Variants in RARG observed in about 807,000 individuals in gnomAD.
The protein encoded by RARG is retinoic acid receptor gamma, also known as RAR-gamma.
Under a neutral mutation model 43.7 loss-of-function variants are expected in RARG, and 17 were observed. That is an observed-to-expected ratio of 0.39 (90% CI 0.27 to 0.58). The LOEUF is 0.58. Among genes scored for constraint, RARG ranks in the 20% least tolerant of loss-of-function variants. The pLI, the probability that RARG is intolerant of heterozygous loss-of-function variation, is 0.57. For synonymous variants in RARG, 238 were observed against 236.4 expected, an observed-to-expected ratio of 1.01 and a Z score of -0.06; for missense variants, 346 against 598.7, an observed-to-expected ratio of 0.58 and a Z score of 4.40.
At chr12:53,230,070 A>T (rs1034156715) in intron 2 of RARG, 4 of 800,894 alleles carry the variant, frequency 5.0e-6, no homozygotes, top group Non-Finnish European at 6.0e-6. Flanking sequence ...AGAGAAGGGG[A>T]GGGTCTTAAA....
chr12:53,215,776 G>A lies in RARG; in HGVS notation c.203C>T (p.Thr68Ile), dbSNP rs1199743374. Reference sequence around the variant, plus strand: ...GCTGGGCACCATCTCCTCTGAGCTGGTGCTCTGTGTCTCCACCGCTGGGAG... The same window carrying A: ...GCTGGGCACCATCTCCTCTGAGCTGATGCTCTGTGTCTCCACCGCTGGGAG... ...MASLSVETQS[T>I]SSEEMVPSSP... is the part of the protein sequence containing the mutation. The change falls in exon 4 of 10, where the codon ACC (threonine) becomes ATC (isoleucine). Residue 68 changes from threonine to isoleucine, a missense_variant. Physicochemically the swap from Thr to Ile is moderately conservative, Grantham distance 89. Around this residue, in one of 8 missense-constraint regions of RARG, gnomAD observed 90 missense variants for 93.2 expected, o/e 0.97. Coordinates refer to ENST00000425354, the MANE Select transcript of RARG (RefSeq NM_000966.6). This position sits in a 1 kb window ranked among gnomAD's most constrained non-coding sequence, Gnocchi z 6.4. 1.2e-6 allele frequency: 2 copies of A among 1,609,510 alleles called. No homozygotes were observed. Among genetic ancestry groups the A allele is most frequent in the Non-Finnish European group, 1.7e-6 (2 of 1,177,780 alleles).
intron 3 of RARG, among the ~76,000 whole-genome samples, chr12:53,219,568 A>T (rs981291187): frequency 2.0e-5 from 3 of 152,190 alleles, no homozygotes; most frequent in African/African-American, 7.2e-5. Flanking sequence ...ACGCTCTGCA[A>T]ACGATATTTT....
chr12:53,214,652 C>T (rs373452394), intron 5 of RARG, 46 bp from the exon 6 acceptor site: 522 of 1,544,836 alleles, frequency 3.4e-4, no homozygotes, highest in Non-Finnish European at 4.2e-4. Flanking sequence ...CTCAGAGCCT[C>T]CCTTTGGGTG....
At chr12:53,214,885 G>A (rs1942716848) in intron 5 of RARG, 2 of 446,404 alleles carry the variant, frequency 4.5e-6, no homozygotes, top group South Asian at 7.7e-5. Context: ...AGGGGGGGCA[G>A]GATATGCAGG....
intron 6 of RARG, 83 bp downstream of exon 6, chr12:53,214,363 C>T (rs536700193): frequency 1.9e-6 from 3 of 1,554,396 alleles, no homozygotes; most frequent in African/African-American, 1.4e-5. Flanking sequence ...CAGCACCAGT[C>T]GATGATAGCC....
Position 53,211,625 on chromosome 12 carries a change from G to A in RARG, c.*51C>T. On this transcript the variant is annotated 3_prime_UTR_variant, in exon 10 of 10. Coordinates refer to ENST00000425354, the MANE Select transcript of RARG (RefSeq NM_000966.6). This position sits in a 1 kb window ranked among gnomAD's most constrained non-coding sequence, Gnocchi z 4.6. ...TCACTGGCGGTCTGGGAGATGGTCA[G>A]TCTGCTGCCTGAAGCCCCAACCCCC... is the stretch of plus-strand genomic sequence containing the variant. 2 of 1,363,756 alleles carry A rather than the reference G, an allele frequency of 1.5e-6. No individual in the cohort carries two copies. Among genetic ancestry groups the A allele is most frequent in the Non-Finnish European group, 1.9e-6 (2 of 1,044,522 alleles). 84.5% of individuals were successfully genotyped at this position (1,363,756 alleles called of 1,614,324 possible).
At chr12:53,230,042 G>C (rs1293285197) in intron 2 of RARG, 1 of 907,538 alleles carries the variant, frequency 1.1e-6, no homozygotes, top group Non-Finnish European at 1.3e-6. Flanking sequence ...CTGAGCCTTG[G>C]TTCTGTCGTG....
rs1278960828 is a variant in RARG, at chr12:53,227,449, G to C, written c.97C>G (p.Leu33Val). 1 of 1,610,588 alleles carries C rather than the reference G, an allele frequency of 6.2e-7. No individual in the cohort carries two copies. Among genetic ancestry groups the C allele is most frequent in the Non-Finnish European group, 8.5e-7 (1 of 1,178,552 alleles). The change falls in exon 3 of 10, where the codon CTC (leucine) becomes GTC (valine). Residue 33 changes from leucine (L) to valine (V), a missense_variant. Leu to Val is a conservative substitution (Grantham distance 32). Around this residue, in one of 8 missense-constraint regions of RARG, gnomAD observed 90 missense variants for 93.2 expected, o/e 0.97. Coordinates refer to ENST00000425354, the MANE Select transcript of RARG (RefSeq NM_000966.6). This position sits in a 1 kb window ranked among gnomAD's most constrained non-coding sequence, Gnocchi z 4.3. ...ATCTCGAAAGGCGGAGACCCCCTGA[G>C]TGCCCCTGGGAAGGCGAAGGGGAAA... ...AGFPFAFPGA[L>V]RGSPPFEMLS...
chr12:53,217,120 C>T (rs1418056510), intron 3 of RARG, among the ~76,000 whole-genome samples: 1 of 152,204 alleles, frequency 6.6e-6, no homozygotes, highest in South Asian at 2.1e-4. Flanking sequence ...TCCACCCACC[C>T]CACAGGAGGG....
In RARG at chr12:53,214,248, G is replaced by A. The variant is rs1301849597; in HGVS notation, c.637-13C>T. ...CTGCACTGGAGTTCTGCAGAGGGGA[G>A]GGGTAGAAGGTTGGAAGGCAAGCTA... On this transcript the variant is annotated splice_polypyrimidine_tract_variant and intron_variant, in intron 6 of 9. Transcript: ENST00000425354. 2.2e-5 allele frequency: 35 copies of A among 1,609,390 alleles called. No individual in the cohort carries two copies. Among genetic ancestry groups the A allele is most frequent in the Non-Finnish European group, 2.9e-5 (34 of 1,176,186 alleles).
Position 53,227,375 on chromosome 12 carries a change from C to A in RARG, c.171G>T (p.Glu57Asp). Residue 57 changes from glutamate (E) to aspartate (D), a missense_variant, in exon 3 of 10, where the codon GAG (glutamate) becomes GAT (aspartate). This residue lies in a region of RARG where 90 missense variants were observed against 93.2 expected (regional missense o/e 0.97). Coordinates refer to ENST00000425354, the MANE Select transcript of RARG (RefSeq NM_000966.6). This position sits in a 1 kb window ranked among gnomAD's most constrained non-coding sequence, Gnocchi z 4.3. ...CCTGAGACTCACACAGAGAGGCCATCTCCTTGGGGAGGTCAGGCTGGCCCA... is the reference window on the plus strand; with the variant it reads ...CCTGAGACTCACACAGAGAGGCCATATCCTTGGGGAGGTCAGGCTGGCCCA... The part of the protein sequence containing the change: ...RGLGQPDLPK[E>D]MASLSVETQS... 1.9e-6 allele frequency: 3 copies of A among 1,572,496 alleles called. No individual in the cohort carries two copies. Among genetic ancestry groups the A allele is most frequent in the Non-Finnish European group, 2.6e-6 (3 of 1,160,984 alleles).
rs1440468904 is a variant in RARG at position 53,231,253 on chromosome 12, G to C, written c.-209-18C>G. 1 of 152,286 alleles carries C rather than the reference G, an allele frequency of 6.6e-6. No individual in the cohort carries two copies. Among genetic ancestry groups the C allele is most frequent in the East Asian group, 1.9e-4 (1 of 5,208 alleles). The allele number at this position is 152,286 out of a possible 1,614,324, so 9.4% of individuals were successfully genotyped here. A position where few individuals can be genotyped will look rare whatever the true frequency, so the allele number is the denominator to read the frequency against. ...CGTAGCTGCTAAAGACAGAGAGGCA[G>C]CGTCAGTGGAACTCTGGGACCAGCA... On this transcript the variant is annotated intron_variant, in intron 1 of 9. Transcript: ENST00000425354.
intron 3 of RARG, chr12:53,219,933 C>T: frequency 6.7e-7 from 1 of 1,496,040 alleles, no homozygotes; most frequent in Non-Finnish European, 8.9e-7. Context: ...ACCCCAGCCC[C>T]GGACTCCGGT....
At chr12:53,222,223 AAGAAAGAGAG>A (rs1214295262) in intron 3 of RARG, among the ~76,000 whole-genome samples, 49 of 143,304 alleles carry the variant, frequency 3.4e-4, no homozygotes, top group African/African-American at 1.4e-3. Context: ...AAAAAAAAGA[AAGAAAGAGAG>A]AGAAAGAAAA....
rs1248106549 is a variant in RARG, at chr12:53,213,863, G to GT, written c.814-164_814-163insA. The GT allele has an allele frequency of 9.4e-7, 1 of 1,066,818 alleles. No homozygotes were observed. The highest frequency in any genetic ancestry group is 1.6e-5 in the African/African-American group (1 of 63,114). 66.1% of individuals were successfully genotyped at this position (1,066,818 alleles called of 1,614,324 possible). On this transcript the variant is annotated intron_variant, in intron 7 of 9. Transcript: ENST00000425354. This position sits in a 1 kb window ranked among gnomAD's most constrained non-coding sequence, Gnocchi z 4.7. ...TGAGGCTTGGCAGGGGTAGTCCCGG[G>GT]AAGTCAGGAGGAGACAGGGCATCCA...
At position 53,211,621 on chromosome 12, in the gene RARG, G is replaced by C. The variant is rs1942590196; in HGVS notation, c.*55C>G. On this transcript the variant is annotated 3_prime_UTR_variant, in exon 10 of 10. Transcript: ENST00000425354. The surrounding 1 kb of genome is among the most constrained non-coding windows in gnomAD (Gnocchi z 4.6). ...CCAGTCACTGGCGGTCTGGGAGATG[G>C]TCAGTCTGCTGCCTGAAGCCCCAAC... 2.2e-6 allele frequency: 3 copies of C among 1,345,336 alleles called. No individual in the cohort carries two copies. In the Middle Eastern group the frequency reaches 8.0e-4, roughly 358 times the overall value. 83.3% of individuals were successfully genotyped at this position (1,345,336 alleles called of 1,614,324 possible).
chr12:53,222,695 C>G (rs1017962246), intron 3 of RARG, among the ~76,000 whole-genome samples: 2 of 152,124 alleles, frequency 1.3e-5, no homozygotes, highest in African/African-American at 4.8e-5. Flanking sequence ...TAGGACCAGG[C>G]ATTACGGTGT....
At position 53,215,332 on chromosome 12, in the gene RARG, G is replaced by A; in HGVS notation, c.436C>T (p.Arg146Trp). The A allele has an allele frequency of 6.2e-7, 1 of 1,614,112 alleles. No homozygotes were observed. The highest frequency in any genetic ancestry group is 8.5e-7 in the Non-Finnish European group (1 of 1,180,010). Residue 146 changes from arginine to tryptophan, a missense_variant, in exon 5 of 10, where the codon CGG becomes TGG. By Grantham distance (101) the Arg-to-Trp change is moderately radical. Around this residue, in one of 8 missense-constraint regions of RARG, gnomAD observed 50 missense variants for 117.7 expected, o/e 0.42. Transcript: ENST00000425354. The surrounding 1 kb of genome is among the most constrained non-coding windows in gnomAD (Gnocchi z 6.4). ...KVTRNRCQYC[R>W]LQKCFEVGMS... is the part of the protein sequence containing the mutation. The stretch of plus-strand genomic sequence containing the variant: ...CCCACTTCGAAGCACTTCTGTAGCC[G>A]GCAGTACTGGCAGCGATTCCTGGTC...
Position 53,211,761 on chromosome 12 carries a change from G to C in RARG, c.1280C>G (p.Ser427Trp). Reference protein sequence around the residue: ...ENPEMFEDDSSQPGPHPNASS... With the variant: ...ENPEMFEDDSWQPGPHPNASS... ...GGCATTGGGGTGGGGACCAGGCTGCGAGGAGTCATCCTCAAACATTTCAGG... is the reference window on the plus strand; with the variant it reads ...GGCATTGGGGTGGGGACCAGGCTGCCAGGAGTCATCCTCAAACATTTCAGG... The change falls in exon 10 of 10, where the codon TCG becomes TGG. Residue 427 changes from serine (S) to tryptophan (W), a missense_variant. Coordinates refer to ENST00000425354, the MANE Select transcript of RARG (RefSeq NM_000966.6). This position sits in a 1 kb window ranked among gnomAD's most constrained non-coding sequence, Gnocchi z 4.6. 1 of 1,567,914 alleles carries C rather than the reference G, an allele frequency of 6.4e-7. No homozygotes were observed. Among genetic ancestry groups the C allele is most frequent in the Non-Finnish European group, 8.6e-7 (1 of 1,157,804 alleles).
Sources: allele counts gnomAD v4.1 joint callset (sites outside exome capture counted in the v4.1 genomes callset), GRCh38; gene constraint gnomAD v4.1.1; regional missense constraint gnomAD v4.1.1; non-coding constraint Gnocchi (gnomAD v3.1); transcripts MANE v1.5; gene names NCBI Gene and HGNC (gene_info 2026-07-23, HGNC 2026-07-21).